LYPLAL1: variants seen among roughly 807,000 people sequenced by gnomAD.
The protein encoded by LYPLAL1 is lysophospholipase-like protein 1.
A neutral mutation model predicts 19.7 loss-of-function variants in LYPLAL1; 23 were observed. That is an observed-to-expected ratio of 1.17 (90% CI 0.84 to 1.65). The LOEUF (loss-of-function observed/expected upper bound fraction) is 1.65, where lower values mean the gene tolerates loss of function less well. Ranked by LOEUF, LYPLAL1 falls within the 40% of genes most tolerant of loss-of-function variation. The pLI is 0.00. For missense variants in LYPLAL1, 355 were observed against 279.4 expected (o/e 1.27, Z -1.93); for synonymous variants, 119 against 96.3 (o/e 1.24, Z -1.38).
chr1:219,401,551 A>G, the LYPLAL1 span, among the ~76,000 whole-genome samples: 29 of 151,936 alleles, frequency 1.9e-4, no homozygotes, highest in Non-Finnish European at 4.4e-5. Flanking sequence ...AGTAATATTT[A>G]TAATGAAAAT....
At chr1:219,327,950 T>C in the LYPLAL1 span, among the ~76,000 whole-genome samples, 1,226 of 152,270 alleles carry the variant, frequency 8.1e-3, 7 homozygotes, top group Non-Finnish European at 0.011. Context: ...TATGTCTTTA[T>C]CAGCAACATT....
At chr1:219,268,079 G>T in the LYPLAL1 span, among the ~76,000 whole-genome samples, 1 of 152,278 alleles carries the variant, frequency 6.6e-6, no homozygotes, top group South Asian at 2.1e-4. Context: ...GTTAGGCATT[G>T]TTATAGGTAT....
chr1:219,193,163 T>G lies in LYPLAL1; in HGVS notation c.273T>G (p.Leu91=). The stretch of plus-strand genomic sequence containing the variant: ...TAACCAATGACTGCCCAGAACACCT[T>G]GAATCAATTGATGTCATGTGTCAAG... ...FKITNDCPEH[L]ESIDVMCQVL... The change falls in exon 3 of 5, where the codon CTT becomes CTG. Residue 91 remains leucine (L), a synonymous_variant. Transcript: ENST00000366928. 1 of 1,610,700 alleles carries G rather than the reference T, an allele frequency of 6.2e-7. No homozygotes were observed. Among genetic ancestry groups the G allele is most frequent in the Non-Finnish European group, 8.5e-7 (1 of 1,177,814 alleles).
intron 2 of LYPLAL1, among the ~76,000 whole-genome samples, chr1:219,192,699 TAC>T (rs1657279671): frequency 6.6e-6 from 1 of 151,692 alleles, no homozygotes; most frequent in South Asian, 2.1e-4. Flanking sequence ...TTTACTCCAT[TAC>T]AGTTTGGAAT....
chr1:219,245,175 CCCTTCCTTCCTTCCTTCCTTCCTT>C, the LYPLAL1 span, among the ~76,000 whole-genome samples: 3,791 of 132,598 alleles, frequency 0.029, 74 homozygotes, highest in African/African-American at 0.039. Context: ...CCTCTTCCAT[CCCTTCCTTCCTTCCTTCCTTCCTT>C]CCTTCCTTCC....
At position 219,199,719 on chromosome 1, in the gene LYPLAL1, A is replaced by G. The variant is rs548835637; in HGVS notation, c.361+6468A>G. On this transcript the variant is annotated intron_variant, in intron 3 of 4. Coordinates refer to ENST00000366928, the MANE Select transcript of LYPLAL1 (RefSeq NM_138794.5). ...AAGCTCCGCCTCCTGGGTTCACGCC[A>G]TTCTCCTGCCTCAGCCTCCTGAGTA... Among the ~76,000 whole-genome samples, 8 of 151,070 alleles carry G rather than the reference A, an allele frequency of 5.3e-5. No homozygotes were observed. In the South Asian group the frequency reaches 1.7e-3, roughly 32 times the overall value.
chr1:219,189,225 T>A (rs554620026), intron 2 of LYPLAL1, among the ~76,000 whole-genome samples: 28 of 151,810 alleles, frequency 1.8e-4, no homozygotes, highest in African/African-American at 6.8e-4. Context: ...CATCCTTATT[T>A]AAGTATTTAG....
chr1:219,268,430 A>G, the LYPLAL1 span, among the ~76,000 whole-genome samples: 2 of 152,326 alleles, frequency 1.3e-5, no homozygotes, highest in Middle Eastern at 3.4e-3. Context: ...GGTGCATCCA[A>G]GAACCATCAA....
intron 3 of LYPLAL1, among the ~76,000 whole-genome samples, chr1:219,203,104 A>C (rs1340826867): frequency 6.6e-6 from 1 of 152,098 alleles, no homozygotes; most frequent in East Asian, 1.9e-4. Flanking sequence ...TTGTTTAATA[A>C]TCTGTTCAGA....
the LYPLAL1 span, among the ~76,000 whole-genome samples, chr1:219,389,939 G>T: frequency 1.3e-5 from 2 of 152,122 alleles, no homozygotes; most frequent in Admixed American, 1.3e-4. Context: ...GAAATTAGAA[G>T]ACCTCAATAT....
At chr1:219,413,935 A>G in the LYPLAL1 span, among the ~76,000 whole-genome samples, 12 of 152,214 alleles carry the variant, frequency 7.9e-5, no homozygotes. Context: ...ATCTGTAAAA[A>G]CGGTAAAGAC....
the LYPLAL1 span, among the ~76,000 whole-genome samples, chr1:219,316,074 C>T: frequency 1.3e-5 from 2 of 152,114 alleles, no homozygotes; most frequent in East Asian, 3.8e-4. Flanking sequence ...AGCAGATACG[C>T]TTACAGGTTT....
At chr1:219,205,698 A>T (rs887514985) in intron 3 of LYPLAL1, among the ~76,000 whole-genome samples, 1 of 152,224 alleles carries the variant, frequency 6.6e-6, no homozygotes, top group Non-Finnish European at 1.5e-5. Flanking sequence ...GAAGTCTAGC[A>T]TCAAAATTTC....
At chr1:219,228,518 G>A in the LYPLAL1 span, among the ~76,000 whole-genome samples, 2 of 151,702 alleles carry the variant, frequency 1.3e-5, no homozygotes, top group African/African-American at 2.4e-5. Flanking sequence ...TTTTTTTCAC[G>A]TGACATAATT....
At chr1:219,357,873 A>G in the LYPLAL1 span, among the ~76,000 whole-genome samples, 25 of 152,182 alleles carry the variant, frequency 1.6e-4, no homozygotes, top group Non-Finnish European at 3.4e-4. Flanking sequence ...TTAGCTATCA[A>G]ACCAAGCAAA....
chr1:219,254,173 A>G, the LYPLAL1 span, among the ~76,000 whole-genome samples: 1 of 151,772 alleles, frequency 6.6e-6, no homozygotes, highest in Non-Finnish European at 1.5e-5. Flanking sequence ...TATGAGTGTC[A>G]TTACGTTTGA....
At chr1:219,309,693 C>G in the LYPLAL1 span, among the ~76,000 whole-genome samples, 5 of 152,178 alleles carry the variant, frequency 3.3e-5, no homozygotes, top group Non-Finnish European at 7.4e-5. Context: ...TAAGAAATGC[C>G]TTTTGCCTTC....
chr1:219,215,041 T>C (rs56328524), downstream of LYPLAL1, among the ~76,000 whole-genome samples: 73,172 of 151,910 alleles, frequency 0.48, 18,004 homozygotes, highest in East Asian at 0.66. Context: ...ATCTTACCTA[T>C]CTACCCATGA....
chr1:219,227,971 C>T, the LYPLAL1 span, among the ~76,000 whole-genome samples: 1 of 152,152 alleles, frequency 6.6e-6, no homozygotes, highest in African/African-American at 2.4e-5. Context: ...CCAGGCTGTT[C>T]AGGACCCAAG....
Sources: allele counts gnomAD v4.1 joint callset (sites outside exome capture counted in the v4.1 genomes callset), GRCh38; gene constraint gnomAD v4.1.1; transcripts MANE v1.5; gene names NCBI Gene and HGNC (gene_info 2026-07-23, HGNC 2026-07-21).